MBNL1: variants seen among roughly 807,000 people sequenced by gnomAD.
MBNL1 encodes muscleblind like splicing regulator 1.
MBNL1 carries 8 observed loss-of-function variants against 42.2 expected under a neutral mutation model. The observed-to-expected ratio is 0.19, with a 90% CI of 0.11 to 0.34. The LOEUF (loss-of-function observed/expected upper bound fraction) is 0.34, where lower values mean the gene tolerates loss of function less well. Among genes scored for constraint, MBNL1 ranks in the 10% least tolerant of loss-of-function variants. The pLI is 1.00. For missense variants in MBNL1, 309 were observed against 495.3 expected (o/e 0.62, Z 3.57); for synonymous variants, 169 against 173.9 (o/e 0.97, Z 0.22).
intron 2 of MBNL1, among the ~76,000 whole-genome samples, chr3:152,262,152 G>A (rs1415960227): frequency 4.6e-5 from 7 of 152,142 alleles, no homozygotes; most frequent in Non-Finnish European, 1.0e-4. Context: ...ATGACTATGT[G>A]TTAAATGTAT....
intron 6 of MBNL1, among the ~76,000 whole-genome samples, chr3:152,454,597 A>G (rs1203285404): frequency 6.6e-6 from 1 of 152,202 alleles, no homozygotes; most frequent in African/African-American, 2.4e-5. Context: ...CTATCTATAT[A>G]TGCAACATTT....
chr3:152,456,042 G>C (rs1732972202), intron 7 of MBNL1, among the ~76,000 whole-genome samples: 1 of 152,042 alleles, frequency 6.6e-6, no homozygotes, highest in African/African-American at 2.4e-5. Context: ...ATGGTAACAA[G>C]CTTTTTTCCC....
intron 2 of MBNL1, among the ~76,000 whole-genome samples, chr3:152,309,574 T>C (rs2065196360): frequency 6.6e-6 from 1 of 152,160 alleles, no homozygotes; most frequent in South Asian, 2.1e-4. Context: ...TGTTAATAGC[T>C]GACAGTAAAT....
chr3:152,328,621 A>G (rs1210664325), intron 2 of MBNL1, among the ~76,000 whole-genome samples: 2 of 152,182 alleles, frequency 1.3e-5, no homozygotes, highest in Admixed American at 6.5e-5. Context: ...AGACTTTGCT[A>G]ACATGCTTTA....
At chr3:152,286,101 T>G (rs1212887808) in intron 1 of MBNL1, among the ~76,000 whole-genome samples, 1 of 151,584 alleles carries the variant, frequency 6.6e-6, no homozygotes, top group Non-Finnish European at 1.5e-5. Context: ...TTATCCAGGA[T>G]AAAAGTGGTT....
intron 2 of MBNL1, among the ~76,000 whole-genome samples, chr3:152,389,684 A>G (rs979520976): frequency 1.2e-4 from 18 of 152,290 alleles, no homozygotes; most frequent in African/African-American, 3.4e-4. Flanking sequence ...TTACACCTGT[A>G]TAGTATATTT....
At chr3:152,264,427 A>G (rs1299876477), upstream of MBNL1, 2 of 152,206 alleles carry the variant, frequency 1.3e-5, no homozygotes, top group African/African-American at 4.8e-5. Context: ...ACTCTTGGAA[A>G]TCTCATGTAG....
At chr3:152,350,597 G>A (rs1004476577) in intron 2 of MBNL1, among the ~76,000 whole-genome samples, 6 of 152,004 alleles carry the variant, frequency 3.9e-5, no homozygotes, top group Non-Finnish European at 7.4e-5. Flanking sequence ...ATGACAAATC[G>A]CTAAAATAGG....
intron 2 of MBNL1, among the ~76,000 whole-genome samples, chr3:152,370,915 G>A (rs759772802): frequency 6.6e-6 from 1 of 151,592 alleles, no homozygotes; most frequent in Non-Finnish European, 1.5e-5. Context: ...TGGGTCTCCC[G>A]AATACAGCAC....
chr3:152,305,731 G>A (rs2062774006), intron 2 of MBNL1, among the ~76,000 whole-genome samples: 1 of 152,140 alleles, frequency 6.6e-6, no homozygotes. Flanking sequence ...TAGATTATTA[G>A]GATAGTAATT....
chr3:152,381,953 A>G (rs188326872), intron 2 of MBNL1, among the ~76,000 whole-genome samples: 1 of 152,226 alleles, frequency 6.6e-6, no homozygotes. Flanking sequence ...GCTTCAGTGC[A>G]GGGAACAAAT....
At chr3:152,434,032 G>T (rs1239280820) in intron 4 of MBNL1, among the ~76,000 whole-genome samples, 2 of 152,174 alleles carry the variant, frequency 1.3e-5, no homozygotes, top group Non-Finnish European at 2.9e-5. Context: ...TTTCCCTGGT[G>T]AGGATGAGGC....
At chr3:152,323,709 C>T (rs910493595) in intron 2 of MBNL1, among the ~76,000 whole-genome samples, 4 of 152,116 alleles carry the variant, frequency 2.6e-5, no homozygotes, top group Non-Finnish European at 5.9e-5. Flanking sequence ...AAAACATACT[C>T]AAACGTAGAA....
intron 3 of MBNL1, among the ~76,000 whole-genome samples, chr3:152,431,669 A>G (rs534236118): frequency 3.3e-5 from 5 of 152,208 alleles, no homozygotes; most frequent in Non-Finnish European, 7.4e-5. Context: ...AAAGAACAGC[A>G]TCCGTTTTGC....
chr3:152,399,362 C>T (rs2098120016), intron 2 of MBNL1, among the ~76,000 whole-genome samples: 1 of 152,056 alleles, frequency 6.6e-6, no homozygotes, highest in African/African-American at 2.4e-5. Flanking sequence ...GCTTAGAAAA[C>T]AATGAATTAA....
intron 2 of MBNL1, among the ~76,000 whole-genome samples, chr3:152,380,662 T>C (rs2097141687): frequency 6.6e-6 from 1 of 152,126 alleles, no homozygotes; most frequent in Admixed American, 6.6e-5. Context: ...TAGCCCTTTA[T>C]GTGGGAGTTA....
intron 2 of MBNL1, among the ~76,000 whole-genome samples, chr3:152,370,627 G>A (rs561998546): frequency 6.6e-6 from 1 of 152,222 alleles, no homozygotes; most frequent in South Asian, 2.1e-4. Context: ...TAATTGGGTG[G>A]GAGTCTAAGT....
chr3:152,411,532 A>C (rs1300587183), intron 2 of MBNL1, among the ~76,000 whole-genome samples: 2 of 152,138 alleles, frequency 1.3e-5, no homozygotes, highest in Non-Finnish European at 2.9e-5. Flanking sequence ...AAACAAAACA[A>C]AACAAAAAAA....
chr3:152,376,434 G>A (rs2096903373), intron 2 of MBNL1, among the ~76,000 whole-genome samples: 1 of 152,058 alleles, frequency 6.6e-6, no homozygotes, highest in Non-Finnish European at 1.5e-5. Flanking sequence ...TTCATAGTTA[G>A]ACTCTCTTAA....
Sources: allele counts gnomAD v4.1 joint callset (sites outside exome capture counted in the v4.1 genomes callset), GRCh38; gene constraint gnomAD v4.1.1; transcripts MANE v1.5; gene names NCBI Gene and HGNC (gene_info 2026-07-23, HGNC 2026-07-21).